SLC8A1: variants seen among roughly 807,000 people sequenced by gnomAD.
SLC8A1 encodes solute carrier family 8 member A1, also known as sodium/calcium exchanger 1.
SLC8A1 carries 18 observed loss-of-function variants against 68.3 expected under a neutral mutation model. That is an observed-to-expected ratio of 0.26 (90% CI 0.18 to 0.39). The LOEUF (loss-of-function observed/expected upper bound fraction) is 0.39. Among genes scored for constraint, SLC8A1 ranks in the 10% least tolerant of loss-of-function variants. SLC8A1 has a pLI of 1.00. For missense variants in SLC8A1, 985 were observed against 1,156.7 expected, an observed-to-expected ratio of 0.85 and a Z score of 2.15; for synonymous variants, 475 against 415.5, an observed-to-expected ratio of 1.14 and a Z score of -1.74.
chr2:40,255,170 G>GACAA (rs1199883883), intron 2 of SLC8A1: 2 of 152,080 alleles, frequency 1.3e-5, no homozygotes, highest in African/African-American at 2.4e-5. Flanking sequence ...ATGTTAACAT[G>GACAA]ACAAACAACA....
At chr2:40,214,016 C>T (rs2057050869) in intron 2 of SLC8A1, among the ~76,000 whole-genome samples, 1 of 152,106 alleles carries the variant, frequency 6.6e-6, no homozygotes, top group Non-Finnish European at 1.5e-5. Context: ...CTCAGAAAAC[C>T]TAAGTGTGTA....
intron 2 of SLC8A1, among the ~76,000 whole-genome samples, chr2:40,218,944 C>T (rs35113834): frequency 0.46 from 70,131 of 151,974 alleles, 17,828 homozygotes; most frequent in Non-Finnish European, 0.59. Flanking sequence ...TTTTAACTTA[C>T]ACTAAAGTTT....
rs992139671 is a variant in SLC8A1 at position 40,464,342 on chromosome 2, T to G, written c.-24-34038A>C. Reference sequence around the variant, plus strand: ...CATAGAGACAACGCATTTCATAACTTTAAAAGATTCCTTCATTTCTACCTC... The same window carrying G: ...CATAGAGACAACGCATTTCATAACTGTAAAAGATTCCTTCATTTCTACCTC... On this transcript the variant is annotated intron_variant, in intron 1 of 7. Coordinates refer to the SLC8A1 transcript ENST00000402441. Among the ~76,000 whole-genome samples the G allele has an allele frequency of 2.1e-4, 32 of 152,156 alleles. 1 individual carries two copies. The highest frequency in any genetic ancestry group is 1.5e-3 in the Admixed American group (23 of 15,280).
chr2:40,401,583 AAAAAAAAG>A lies in SLC8A1; in HGVS notation c.1808+26882_1808+26889del, dbSNP rs1220026106. Among the ~76,000 whole-genome samples, 79 of 150,296 alleles carry A rather than the reference AAAAAAAAG, an allele frequency of 5.3e-4. 1 individual carries two copies. The highest frequency in any genetic ancestry group is 3.9e-4 in the East Asian group (2 of 5,166). On this transcript the variant is annotated intron_variant, in intron 2 of 7. Coordinates refer to ENST00000406785, the Ensembl canonical transcript of SLC8A1. Reference sequence around the variant, plus strand: ...TAGGCCAGTCAAAAAAAAAAAAAAAAAAAAAAAGAAAGAAAAGAAAGCTTTGTGAGTTC... The same window carrying A: ...TAGGCCAGTCAAAAAAAAAAAAAAAAAAAGAAAAGAAAGCTTTGTGAGTTC...
chr2:40,450,391 G>T (rs555212274), intron 1 of SLC8A1, among the ~76,000 whole-genome samples: 1 of 152,048 alleles, frequency 6.6e-6, no homozygotes, highest in Non-Finnish European at 1.5e-5. Context: ...CGCTGGTGGG[G>T]GCATGGGAAA....
At chr2:40,266,613 A>G (rs1224934293) in intron 2 of SLC8A1, among the ~76,000 whole-genome samples, 2 of 152,176 alleles carry the variant, frequency 1.3e-5, no homozygotes, top group Admixed American at 6.5e-5. Flanking sequence ...GATTTTCCCA[A>G]GGAAACAGTT....
intron 4 of SLC8A1, among the ~76,000 whole-genome samples, chr2:40,166,085 A>C (rs888485211): frequency 6.6e-6 from 1 of 152,164 alleles, no homozygotes; most frequent in Non-Finnish European, 1.5e-5. Context: ...AAAGACATGC[A>C]ATAAAAGGGA....
intron 5 of SLC8A1, among the ~76,000 whole-genome samples, chr2:40,163,333 C>A (rs2046008001): frequency 6.6e-6 from 1 of 152,168 alleles, no homozygotes; most frequent in African/African-American, 2.4e-5. Flanking sequence ...CTGAGATCAT[C>A]CCATAAGGGA....
chr2:40,156,383 T>C (rs181358410), intron 6 of SLC8A1, among the ~76,000 whole-genome samples: 24 of 150,840 alleles, frequency 1.6e-4, no homozygotes, highest in South Asian at 1.5e-3. Flanking sequence ...TGAGTCACTT[T>C]TGAGTATTCT....
At chr2:40,172,871 G>A (rs2047760862) in intron 4 of SLC8A1, among the ~76,000 whole-genome samples, 1 of 152,184 alleles carries the variant, frequency 6.6e-6, no homozygotes, top group Admixed American at 6.5e-5. Flanking sequence ...GAACCCTGGA[G>A]GTGGAGGTTG....
chr2:40,256,190 T>C (rs1574820503), intron 2 of SLC8A1, among the ~76,000 whole-genome samples: 1 of 152,188 alleles, frequency 6.6e-6, no homozygotes, highest in African/African-American at 2.4e-5. Context: ...CCGGTGATAT[T>C]GGACCTTCCC....
chr2:40,162,734 G>T (rs2045902349), intron 5 of SLC8A1, among the ~76,000 whole-genome samples: 1 of 152,164 alleles, frequency 6.6e-6, no homozygotes, highest in African/African-American at 2.4e-5. Context: ...TACCTAGGAG[G>T]TTCCTAAATG....
At chr2:40,481,697 A>C (rs1304370761) in intron 1 of SLC8A1, among the ~76,000 whole-genome samples, 3 of 152,192 alleles carry the variant, frequency 2.0e-5, no homozygotes, top group African/African-American at 7.2e-5. Flanking sequence ...ACACCAACGG[A>C]AAAGTAATGA....
intron 2 of SLC8A1, among the ~76,000 whole-genome samples, chr2:40,384,605 C>G (rs1483126447): frequency 6.6e-6 from 1 of 152,034 alleles, no homozygotes; most frequent in Non-Finnish European, 1.5e-5. Context: ...TTCTACTATG[C>G]TCATTTCTTC....
At chr2:40,406,174 C>T (rs974557650) in intron 2 of SLC8A1, among the ~76,000 whole-genome samples, 6 of 152,120 alleles carry the variant, frequency 3.9e-5, no homozygotes, top group African/African-American at 9.7e-5. Context: ...TTTTAAATTC[C>T]GCATTTTCTC....
chr2:40,258,007 A>G (rs372484602), intron 2 of SLC8A1, among the ~76,000 whole-genome samples: 1 of 152,226 alleles, frequency 6.6e-6, no homozygotes, highest in African/African-American at 2.4e-5. Context: ...TCCCTTCAAC[A>G]ATATACCAGC....
chr2:40,441,561 A>G (rs536886452), intron 1 of SLC8A1, among the ~76,000 whole-genome samples: 6 of 151,218 alleles, frequency 4.0e-5, no homozygotes, highest in Admixed American at 3.9e-4. Context: ...CGGGTACCAA[A>G]ACAGACATTA....
intron 2 of SLC8A1, among the ~76,000 whole-genome samples, chr2:40,409,297 A>C (rs527676117): frequency 6.6e-6 from 1 of 152,142 alleles, no homozygotes; most frequent in South Asian, 2.1e-4. Flanking sequence ...GGGAAAAAAC[A>C]AATCTGTACA....
intron 2 of SLC8A1, among the ~76,000 whole-genome samples, chr2:40,359,973 G>A (rs773326265): frequency 6.6e-6 from 1 of 151,594 alleles, no homozygotes; most frequent in Non-Finnish European, 1.5e-5. Flanking sequence ...TAACGGCTGT[G>A]CAAGAGTCTG....
Sources: gnomAD v4.1 joint callset for allele counts (sites outside exome capture counted in the v4.1 genomes callset) on GRCh38, gnomAD v4.1.1 for gene constraint, MANE v1.5 for transcripts, NCBI Gene and HGNC (gene_info 2026-07-23, HGNC 2026-07-21) for gene names.